The following DSP variants were observed in gnomAD, a reference collection of about 807,000 sequenced individuals.
DSP encodes the protein 250/210 kDa paraneoplastic pemphigus antigen.
A neutral mutation model predicts 290.6 loss-of-function variants in DSP; 114 were observed. The ratio of observed to expected loss-of-function variants is 0.39; its 90% CI spans 0.34 to 0.46. The LOEUF (loss-of-function observed/expected upper bound fraction) is 0.46, where lower values mean the gene tolerates loss of function less well. Among genes scored for constraint, DSP ranks in the 20% least tolerant of loss-of-function variants. DSP has a pLI of 0.99. For missense variants in DSP, 3,230 were observed against 3,495.8 expected (o/e 0.92, Z 1.92); for synonymous variants, 1,311 against 1,316.4 (o/e 1.00, Z 0.09).
At chr6:7,566,603 A>G in intron 8 of DSP, 122 bp downstream of exon 8, 1 of 811,292 alleles carries the variant, frequency 1.2e-6, no homozygotes, top group East Asian at 2.7e-5. Context: ...CTATTTTGGG[A>G]TCAATACCCT....
chr6:7,576,816 T>C, intron 19 of DSP, 143 bp from the exon 20 acceptor site: 1 of 783,120 alleles, frequency 1.3e-6, no homozygotes, highest in South Asian at 1.8e-5. Context: ...TCTCCTAAGC[T>C]GTAACTATAA....
chr6:7,577,079 A>G, intron 20 of DSP, 37 bp downstream of exon 20: 1 of 1,535,682 alleles, frequency 6.5e-7, no homozygotes, highest in Non-Finnish European at 9.0e-7. Context: ...GTATTTCACC[A>G]AGATTATTAT....
chr6:7,550,784 GT>G (rs780868415), intron 1 of DSP, among the ~76,000 whole-genome samples: 14 of 148,244 alleles, frequency 9.4e-5, no homozygotes, highest in Non-Finnish European at 1.5e-4. Context: ...CAAATGAGTT[GT>G]TTTCTTTTTC....
In DSP at chr6:7,576,289, C is replaced by T. The variant is rs773772683; in HGVS notation, c.2631-5C>T. On this transcript the variant is annotated splice_polypyrimidine_tract_variant and splice_region_variant and intron_variant, in intron 18 of 23. Transcript: ENST00000379802. ...AATGATTTTATTGTATCTATTTCCC[C>T]CCAGGTTATGGGACCTGGAGAAACA... 4.7e-5 allele frequency: 76 copies of T among 1,613,184 alleles called. No individual in the cohort carries two copies. Among genetic ancestry groups the T allele is most frequent in the South Asian group, 1.3e-4 (12 of 91,052 alleles).
chr6:7,542,225 C>T, intron 1 of DSP, 140 bp downstream of exon 1: 2 of 1,196,694 alleles, frequency 1.7e-6, no homozygotes, highest in South Asian at 2.9e-5. Context: ...TTCCCGGCCG[C>T]GCTGGGAGCA....
At chr6:7,569,011 G>A (rs1264424360) in intron 11 of DSP, among the ~76,000 whole-genome samples, 175 bp from the exon 12 acceptor site, 3 of 152,130 alleles carry the variant, frequency 2.0e-5, no homozygotes, top group African/African-American at 7.2e-5. Context: ...AGGCTCACAT[G>A]TATTATTTAA....
intron 19 of DSP, 55 bp from the exon 20 acceptor site, chr6:7,576,904 T>G: frequency 7.0e-7 from 1 of 1,432,668 alleles, no homozygotes; most frequent in Non-Finnish European, 9.8e-7. Context: ...AAATCACATT[T>G]ATTTAAAAAT....
At position 7,571,671 on chromosome 6, in the gene DSP, A is replaced by T. The variant is rs530246871; in HGVS notation, c.1903+87A>T. 48 of 1,550,364 alleles carry T rather than the reference A, an allele frequency of 3.1e-5. 1 individual carries two copies. The African/African-American group carries it at 6.5e-4, about 21-fold the overall frequency. On this transcript the variant is annotated intron_variant, in intron 14 of 23. Transcript: ENST00000379802. Reference sequence around the variant, plus strand: ...TTTGCATAAAACTGGTTTCAGAACCATTTCTCTGAATGCTATATAGCCAGT... The same window carrying T: ...TTTGCATAAAACTGGTTTCAGAACCTTTTCTCTGAATGCTATATAGCCAGT...
intron 1 of DSP, among the ~76,000 whole-genome samples, chr6:7,553,983 G>A (rs887744802): frequency 1.3e-5 from 2 of 152,144 alleles, no homozygotes; most frequent in Admixed American, 6.5e-5. Flanking sequence ...CAGGTGCTTC[G>A]GGAGAATTCC....
At position 7,562,116 on chromosome 6, in the gene DSP, C is replaced by T. The variant is rs138288917; in HGVS notation, c.598-536C>T. ...AAGTGGCCCATAGGGAGTTTTGCAT[C>T]CTAAAAGGGAATGGTATATCCTGGA... On this transcript the variant is annotated intron_variant, in intron 4 of 23. Transcript: ENST00000379802. Among the ~76,000 whole-genome samples the T allele has an allele frequency of 4.7e-3, 709 of 152,134 alleles. 6 individuals carry two copies. The highest frequency in any genetic ancestry group is 0.017 in the African/African-American group (688 of 41,490).
At chr6:7,551,955 A>T (rs1758355537) in intron 1 of DSP, among the ~76,000 whole-genome samples, 1 of 152,158 alleles carries the variant, frequency 6.6e-6, no homozygotes, top group African/African-American at 2.4e-5. Context: ...TTCCAAAGGG[A>T]ATTCTTGGCC....
chr6:7,546,205 T>C (rs1051984343), intron 1 of DSP, among the ~76,000 whole-genome samples: 1 of 151,934 alleles, frequency 6.6e-6, no homozygotes, highest in Non-Finnish European at 1.5e-5. Flanking sequence ...CAAGGTGGAG[T>C]GACAGCTTCA....
In DSP at chr6:7,583,610, T is replaced by G. The variant is rs1759528272; in HGVS notation, c.6348T>G (p.Ile2116Met). Reference sequence around the variant, plus strand: ...CAGAAGCCATCAAGAAAAATTTGATTGATAGAGAAACCGGAATGCGCCTGC... The same window carrying G: ...CAGAAGCCATCAAGAAAAATTTGATGGATAGAGAAACCGGAATGCGCCTGC... ...SVSEAIKKNL[I>M]DRETGMRLLE... The change falls in exon 24 of 24, where the codon ATT becomes ATG. Residue 2116 changes from isoleucine to methionine, a missense_variant. Around this residue, in one of 5 missense-constraint regions of DSP, gnomAD observed 1,714 missense variants for 1,844.5 expected, o/e 0.93. Transcript: ENST00000379802. This position sits in a 1 kb window ranked among gnomAD's most constrained non-coding sequence, Gnocchi z 4.0. 6.2e-7 allele frequency: 1 copy of G among 1,614,094 alleles called. No individual in the cohort carries two copies. Among genetic ancestry groups the G allele is most frequent in the African/African-American group, 1.3e-5 (1 of 74,986 alleles).
intron 1 of DSP, among the ~76,000 whole-genome samples, chr6:7,546,084 G>A (rs1758162557): frequency 6.6e-6 from 1 of 152,186 alleles, no homozygotes; most frequent in South Asian, 2.1e-4. Context: ...TCATAACTGA[G>A]CTTCTGGACT....
intron 1 of DSP, among the ~76,000 whole-genome samples, chr6:7,542,986 C>T (rs2757625): frequency 0.035 from 5,348 of 152,110 alleles, 283 homozygotes; most frequent in African/African-American, 0.12. Context: ...CTGGCCTAGG[C>T]GCCCCGGGAA....
rs149126992 is a variant in DSP, at chr6:7,569,209, G to A, written c.1443G>A (p.Glu481=). 6 of 1,614,126 alleles carry A rather than the reference G, an allele frequency of 3.7e-6. No individual in the cohort carries two copies. In the African/African-American group the frequency reaches 8.0e-5, roughly 22 times the overall value. Reference sequence around the variant, plus strand: ...AGAAAATCGTGCATAAGGGGGATGAGTGTATCCTGAAGGACAACAACGAGC... The same window carrying A: ...AGAAAATCGTGCATAAGGGGGATGAATGTATCCTGAAGGACAACAACGAGC... ...QDQKIVHKGD[E]CILKDNNERS... is the part of the protein sequence containing the mutation. Residue 481 remains glutamate, a synonymous_variant, in exon 12 of 24, where the codon GAG becomes GAA. Transcript: ENST00000379802.
rs1759444998 is a variant in DSP at position 7,581,659 on chromosome 6, A to T, written c.5379+90A>T. On this transcript the variant is annotated intron_variant, in intron 23 of 23. Transcript: ENST00000379802. The stretch of plus-strand genomic sequence containing the variant: ...TCTGAACTGTGCTCTTTCTGCTTAA[A>T]TAGATGCTTATAGAAAATCTAATTT... 3.3e-6 allele frequency: 5 copies of T among 1,530,248 alleles called. No individual in the cohort carries two copies. The South Asian group carries it at 6.0e-5, about 18-fold the overall frequency. The allele number at this position is 1,530,248 out of a possible 1,614,324, so 94.8% of individuals were successfully genotyped here.
At chr6:7,548,150 G>A (rs542533597) in intron 1 of DSP, among the ~76,000 whole-genome samples, 2 of 151,706 alleles carry the variant, frequency 1.3e-5, no homozygotes, top group East Asian at 3.9e-4. Context: ...TCCTGTAGTC[G>A]CAACTGCTCA....
intron 14 of DSP, 48 bp from the exon 15 acceptor site, chr6:7,571,794 G>A (rs773049348): frequency 6.3e-7 from 1 of 1,587,086 alleles, no homozygotes; most frequent in Non-Finnish European, 8.6e-7. Context: ...CTAGCACCTT[G>A]ATACCTAGGT....
Sources: allele counts gnomAD v4.1 joint callset (sites outside exome capture counted in the v4.1 genomes callset), GRCh38; gene constraint gnomAD v4.1.1; regional missense constraint gnomAD v4.1.1; non-coding constraint Gnocchi (gnomAD v3.1); transcripts MANE v1.5; gene names NCBI Gene and HGNC (gene_info 2026-07-23, HGNC 2026-07-21).